The following MMP16 variants were observed in gnomAD, a reference collection of about 807,000 sequenced individuals.
The protein encoded by MMP16 is matrix metallopeptidase 16, also known as matrix metalloproteinase-16.
MMP16 carries 12 observed loss-of-function variants against 67.8 expected under a neutral mutation model. The ratio of observed to expected loss-of-function variants is 0.18; its 90% CI spans 0.11 to 0.29. The LOEUF is 0.29. MMP16 is among the 10% of genes least tolerant of loss of function. The probability of loss-of-function intolerance (pLI) is 1.00; values close to 1 mark genes in which losing one functional copy is unlikely to be tolerated. For missense variants in MMP16, 475 were observed against 765.7 expected (o/e 0.62, Z 4.48); for synonymous variants, 249 against 255.9 (o/e 0.97, Z 0.26).
chr8:88,126,196 T>C (rs1171383038), intron 4 of MMP16, among the ~76,000 whole-genome samples: 2 of 151,878 alleles, frequency 1.3e-5, no homozygotes, highest in Non-Finnish European at 2.9e-5. Flanking sequence ...TAGCATATAA[T>C]TATTTTTCTA....
chr8:88,158,944 C>G (rs1808563768), intron 4 of MMP16, among the ~76,000 whole-genome samples: 1 of 151,938 alleles, frequency 6.6e-6, no homozygotes, highest in South Asian at 2.1e-4. Context: ...ATTTCTTGTT[C>G]TTGTCAGGTT....
chr8:88,043,050 T>C (rs1362239931), intron 9 of MMP16, among the ~76,000 whole-genome samples: 2 of 152,208 alleles, frequency 1.3e-5, no homozygotes, highest in Admixed American at 6.5e-5. Context: ...TCCTGTTTTA[T>C]TGAGGACTTA....
intron 2 of MMP16, among the ~76,000 whole-genome samples, chr8:88,190,838 C>T (rs1375135535): frequency 6.6e-6 from 1 of 151,942 alleles, no homozygotes; most frequent in Admixed American, 6.6e-5. Context: ...TTTTTTGCGA[C>T]AGTGTCATTG....
At chr8:88,070,956 T>A (rs1054324119) in intron 7 of MMP16, among the ~76,000 whole-genome samples, 2 of 152,182 alleles carry the variant, frequency 1.3e-5, no homozygotes, top group Non-Finnish European at 2.9e-5. Flanking sequence ...TATTACATTA[T>A]ATTCTGATCT....
At chr8:88,146,630 T>C (rs1487578218) in intron 4 of MMP16, among the ~76,000 whole-genome samples, 3 of 151,978 alleles carry the variant, frequency 2.0e-5, no homozygotes, top group Admixed American at 6.6e-5. Flanking sequence ...GTACACTTAG[T>C]ATTTGTAAAT....
intron 6 of MMP16, among the ~76,000 whole-genome samples, chr8:88,094,872 A>C (rs1712252467): frequency 1.3e-5 from 2 of 151,856 alleles, no homozygotes; most frequent in South Asian, 4.1e-4. Context: ...TGCCAACATG[A>C]AAAAGGCCTT....
chr8:88,073,332 G>A (rs1586136066), intron 7 of MMP16, among the ~76,000 whole-genome samples: 1 of 152,218 alleles, frequency 6.6e-6, no homozygotes, highest in East Asian at 1.9e-4. Flanking sequence ...ACTAGCAGCA[G>A]CAGGAATAGC....
intron 6 of MMP16, among the ~76,000 whole-genome samples, chr8:88,105,245 T>C (rs527813049): frequency 1.3e-3 from 193 of 151,536 alleles, no homozygotes; most frequent in Non-Finnish European, 2.4e-3. Flanking sequence ...CTGGGTTTGC[T>C]TGAAAAATTT....
At chr8:88,264,650 A>G (rs773481870) in intron 1 of MMP16, among the ~76,000 whole-genome samples, 1 of 152,208 alleles carries the variant, frequency 6.6e-6, no homozygotes, top group African/African-American at 2.4e-5. Flanking sequence ...ATCCTCAGAA[A>G]TGATCATTTG....
intron 1 of MMP16, among the ~76,000 whole-genome samples, chr8:88,226,516 G>C (rs1015446019): frequency 6.6e-6 from 1 of 151,924 alleles, no homozygotes; most frequent in Non-Finnish European, 1.5e-5. Flanking sequence ...CAAGTTCTGT[G>C]GTATTTAACA....
intron 1 of MMP16, among the ~76,000 whole-genome samples, chr8:88,256,404 T>G (rs1270517109): frequency 1.3e-5 from 2 of 152,124 alleles, no homozygotes; most frequent in Non-Finnish European, 2.9e-5. Context: ...CCTCCAATCT[T>G]AAATGATCCA....
chr8:88,051,661 T>C (rs551170846), intron 8 of MMP16, among the ~76,000 whole-genome samples: 2 of 152,280 alleles, frequency 1.3e-5, no homozygotes, highest in East Asian at 3.9e-4. Flanking sequence ...AACATAACAC[T>C]TAAGCTGGAA....
chr8:88,295,277 G>A (rs895365552), intron 1 of MMP16, among the ~76,000 whole-genome samples: 9 of 152,120 alleles, frequency 5.9e-5, no homozygotes, highest in African/African-American at 1.9e-4. Flanking sequence ...TCTAAACCAA[G>A]TTCTAATTTT....
At chr8:88,137,450 C>T (rs576640606) in intron 4 of MMP16, among the ~76,000 whole-genome samples, 4 of 152,046 alleles carry the variant, frequency 2.6e-5, no homozygotes, top group African/African-American at 9.6e-5. Context: ...AAGTCAGGTG[C>T]CAATTTTATT....
chr8:88,218,393 A>T (rs548271327), intron 1 of MMP16, among the ~76,000 whole-genome samples: 1 of 152,134 alleles, frequency 6.6e-6, no homozygotes, highest in African/African-American at 2.4e-5. Context: ...TATGATGAAT[A>T]AGTTCTTGAG....
chr8:88,200,901 A>T (rs527946596), intron 1 of MMP16, among the ~76,000 whole-genome samples: 1 of 151,986 alleles, frequency 6.6e-6, no homozygotes, highest in South Asian at 2.1e-4. Context: ...ATTTTTTAAA[A>T]TATGTATCCT....
chr8:88,228,625 T>A (rs941877065), intron 1 of MMP16, among the ~76,000 whole-genome samples: 1 of 152,090 alleles, frequency 6.6e-6, no homozygotes, highest in Non-Finnish European at 1.5e-5. Flanking sequence ...TTAAACAGAA[T>A]AACTTCACAC....
intron 6 of MMP16, among the ~76,000 whole-genome samples, chr8:88,098,353 T>C (rs1397505624): frequency 6.6e-6 from 1 of 152,146 alleles, no homozygotes; most frequent in Non-Finnish European, 1.5e-5. Flanking sequence ...GATTGACTGG[T>C]TGCCCACATG....
At chr8:88,148,846 T>C (rs1033796201) in intron 4 of MMP16, among the ~76,000 whole-genome samples, 3 of 152,254 alleles carry the variant, frequency 2.0e-5, no homozygotes, top group Middle Eastern at 6.8e-3. Context: ...ATACGTGTAT[T>C]ATGGGGAGGA....
Sources: allele counts gnomAD v4.1 joint callset (sites outside exome capture counted in the v4.1 genomes callset), GRCh38; gene constraint gnomAD v4.1.1; transcripts MANE v1.5; gene names NCBI Gene and HGNC (gene_info 2026-07-23, HGNC 2026-07-21).